Variants in GRK5 observed in about 807,000 individuals in gnomAD.
GRK5 encodes the protein g protein-coupled receptor kinase GRK5.
GRK5 carries 40 observed loss-of-function variants against 78.4 expected under a neutral mutation model. The observed-to-expected ratio is 0.51, with a 90% CI of 0.40 to 0.66. GRK5 has a LOEUF of 0.66. Among genes scored for constraint, GRK5 ranks in the 30% least tolerant of loss-of-function variants. The pLI, the probability that GRK5 is intolerant of heterozygous loss-of-function variation, is 0.00. For synonymous variants in GRK5, 289 were observed against 296.8 expected (o/e 0.97, Z 0.27); for missense variants, 598 against 759.9 (o/e 0.79, Z 2.50).
chr10:119,433,477 G>A (rs573578409), intron 8 of GRK5, among the ~76,000 whole-genome samples: 42 of 152,106 alleles, frequency 2.8e-4, no homozygotes, highest in African/African-American at 9.2e-4. Flanking sequence ...CCACGGCCCC[G>A]GCAGGGAGTT....
At chr10:119,391,224 C>T (rs1851883142) in intron 3 of GRK5, among the ~76,000 whole-genome samples, 1 of 152,242 alleles carries the variant, frequency 6.6e-6, no homozygotes. Flanking sequence ...CAGATGGGAG[C>T]CGGAGCCAGA....
At chr10:119,439,497 C>A (rs963507378) in intron 9 of GRK5, among the ~76,000 whole-genome samples, 2 of 152,220 alleles carry the variant, frequency 1.3e-5, no homozygotes, top group Non-Finnish European at 2.9e-5. Flanking sequence ...TCCCAGTCAC[C>A]CTCCAGGATT....
At chr10:119,259,890 T>C (rs1008897910) in intron 1 of GRK5, among the ~76,000 whole-genome samples, 3 of 152,246 alleles carry the variant, frequency 2.0e-5, no homozygotes, top group African/African-American at 7.2e-5. Flanking sequence ...TTGGCGATTA[T>C]GAATAAAGCC....
chr10:119,241,849 C>T (rs1406108438), intron 1 of GRK5, among the ~76,000 whole-genome samples: 1 of 152,138 alleles, frequency 6.6e-6, no homozygotes, highest in Non-Finnish European at 1.5e-5. Context: ...TTCTTAGGCA[C>T]TGGAGTTCAT....
chr10:119,214,298 C>G (rs1328942083), intron 1 of GRK5, among the ~76,000 whole-genome samples: 3 of 152,156 alleles, frequency 2.0e-5, no homozygotes, highest in Admixed American at 6.5e-5. Flanking sequence ...TTTAACTGAT[C>G]AACTAGGTGT....
intron 1 of GRK5, among the ~76,000 whole-genome samples, chr10:119,283,971 G>A (rs1315159878): frequency 6.6e-6 from 1 of 152,234 alleles, no homozygotes; most frequent in Non-Finnish European, 1.5e-5. Flanking sequence ...CTGCACATCT[G>A]TCTGATCTCA....
intron 1 of GRK5, among the ~76,000 whole-genome samples, chr10:119,240,089 A>G (rs1848998036): frequency 6.6e-6 from 1 of 151,186 alleles, no homozygotes; most frequent in South Asian, 2.1e-4. Flanking sequence ...TTGAGGAATC[A>G]CCACATTGTC....
chr10:119,321,091 C>T (rs572186957), intron 1 of GRK5, among the ~76,000 whole-genome samples: 12 of 152,362 alleles, frequency 7.9e-5, no homozygotes, highest in African/African-American at 2.6e-4. Context: ...TTTGTCTAGA[C>T]GTGGTGCCTT....
Position 119,246,039 on chromosome 10 carries a change from AAAAAAAG to A in GRK5, c.52+38077_52+38083del, listed in dbSNP as rs1173738156. Among the ~76,000 whole-genome samples the A allele has an allele frequency of 1.3e-3, 181 of 140,474 alleles. 7 individuals carry two copies. Among genetic ancestry groups the A allele is most frequent in the African/African-American group, 5.7e-3 (177 of 31,208 alleles). 92.2% of individuals were successfully genotyped at this position (140,474 alleles called of 152,430 possible). A position where few individuals can be genotyped will look rare whatever the true frequency, so the allele number is the denominator to read the frequency against. On this transcript the variant is annotated intron_variant, in intron 1 of 15. Transcript: ENST00000392870. ...CATCTCAAAAAAAAAAAAAAAAAAA[AAAAAAAG>A]AAAAAAAGATAAATTTGTTAAGAGA... is the stretch of plus-strand genomic sequence containing the variant.
At chr10:119,348,492 G>A (rs966828684) in intron 2 of GRK5, among the ~76,000 whole-genome samples, 15 of 152,358 alleles carry the variant, frequency 9.8e-5, no homozygotes, top group Middle Eastern at 3.4e-3. Context: ...CTCCTCTCTG[G>A]AGAATGGACA....
chr10:119,292,343 C>T (rs61874516), intron 1 of GRK5, among the ~76,000 whole-genome samples: 20 of 151,746 alleles, frequency 1.3e-4, no homozygotes, highest in Non-Finnish European at 2.5e-4. Flanking sequence ...TCCTCATCCT[C>T]CTTTCTTCCT....
At chr10:119,278,859 G>C (rs76247793) in intron 1 of GRK5, among the ~76,000 whole-genome samples, 4 of 152,026 alleles carry the variant, frequency 2.6e-5, no homozygotes, top group African/African-American at 9.7e-5. Flanking sequence ...CCTGCACCCC[G>C]GTGTCTTTCT....
intron 2 of GRK5, among the ~76,000 whole-genome samples, chr10:119,365,575 C>G (rs1478761274): frequency 6.6e-6 from 1 of 152,154 alleles, no homozygotes; most frequent in Non-Finnish European, 1.5e-5. Context: ...TAATAAAGGA[C>G]CTCCCCACGC....
chr10:119,344,066 C>T (rs1589755467), intron 2 of GRK5, among the ~76,000 whole-genome samples: 2 of 151,480 alleles, frequency 1.3e-5, no homozygotes, highest in African/African-American at 4.8e-5. Flanking sequence ...GCAGGTTTTT[C>T]TTTTTTCTTT....
intron 2 of GRK5, among the ~76,000 whole-genome samples, chr10:119,372,448 A>G (rs1483577622): frequency 3.9e-5 from 6 of 152,200 alleles, no homozygotes; most frequent in Non-Finnish European, 5.9e-5. Flanking sequence ...GCCTTTGCAT[A>G]TAGGTTTTCA....
chr10:119,343,850 G>C (rs1034666559), intron 2 of GRK5, among the ~76,000 whole-genome samples: 1 of 152,114 alleles, frequency 6.6e-6, no homozygotes, highest in African/African-American at 2.4e-5. Flanking sequence ...CAGAGCAGGC[G>C]GGCTTCCAGG....
intron 1 of GRK5, among the ~76,000 whole-genome samples, chr10:119,231,706 C>CAAA (rs797013887): frequency 1.6e-5 from 1 of 60,660 alleles, no homozygotes; most frequent in Non-Finnish European, 3.5e-5. Context: ...GACTCTGCCT[C>CAAA]AAAAAAAAAA....
In GRK5 at chr10:119,394,707, CTG is replaced by C. The variant is rs1189908593; in HGVS notation, c.262-1979_262-1978del. On this transcript the variant is annotated intron_variant, in intron 3 of 15. Transcript: ENST00000392870. ...TGTGTGGGTGTGTGTGGGTGTGTAT[CTG>C]TGTGTGTGGGGGCACGTGTATGTTT... 1.2e-3 allele frequency among the ~76,000 whole-genome samples: 29 copies of C among 23,232 alleles called. 1 individual carries two copies. The highest frequency in any genetic ancestry group is 3.2e-3 in the African/African-American group (26 of 8,160). The allele number at this position is 23,232 out of a possible 152,430, so 15.2% of individuals were successfully genotyped here.
intron 1 of GRK5, among the ~76,000 whole-genome samples, chr10:119,252,687 G>A (rs970341495): frequency 2.0e-5 from 3 of 152,180 alleles, no homozygotes; most frequent in African/African-American, 7.2e-5. Flanking sequence ...GTGCTGTTAA[G>A]AGACGGAAAT....
Sources: allele counts gnomAD v4.1 joint callset (sites outside exome capture counted in the v4.1 genomes callset), GRCh38; gene constraint gnomAD v4.1.1; transcripts MANE v1.5; gene names NCBI Gene and HGNC (gene_info 2026-07-23, HGNC 2026-07-21).